The following CDH3 variants were observed in gnomAD, a reference collection of about 807,000 sequenced individuals.
CDH3 encodes the protein cadherin-3.
A neutral mutation model predicts 82.0 loss-of-function variants in CDH3; 54 were observed. The ratio of observed to expected loss-of-function variants is 0.66; its 90% CI spans 0.53 to 0.83. CDH3 has a LOEUF of 0.83. Ranked by LOEUF, CDH3 falls within the 40% of genes least tolerant of loss-of-function variation. The probability of loss-of-function intolerance (pLI) is 0.00; values close to 1 mark genes in which losing one functional copy is unlikely to be tolerated. For missense variants in CDH3, 1,054 were observed against 1,084.6 expected, an observed-to-expected ratio of 0.97 and a Z score of 0.40; for synonymous variants, 446 against 437.9, an observed-to-expected ratio of 1.02 and a Z score of -0.23.
Position 68,700,274 on chromosome 16 carries a change from T to C in CDH3, c.*1874T>C, listed in dbSNP as rs1303830083. ...GCTGAGGAAATTGCTGATGTTGAAA[T>C]AAACATTTCCTTCCATGAGGATGAC... On this transcript the variant is annotated 3_prime_UTR_variant, in exon 16 of 16. Coordinates refer to ENST00000264012, the MANE Select transcript of CDH3 (RefSeq NM_001793.6). The C allele has an allele frequency of 1.3e-5, 2 of 152,234 alleles. No individual in the cohort carries two copies. Among genetic ancestry groups the C allele is most frequent in the Admixed American group, 1.3e-4 (2 of 15,278 alleles). The allele number at this position is 152,234 out of a possible 1,614,324, so 9.4% of individuals were successfully genotyped here.
Position 68,707,430 on chromosome 16 carries a change from CT to C in CDH3, c.99+11508del, listed in dbSNP as rs1410090769. 6.6e-6 allele frequency among the ~76,000 whole-genome samples: 1 copy of C among 152,234 alleles called. No homozygotes were observed. Among genetic ancestry groups the C allele is most frequent in the Admixed American group, 6.5e-5 (1 of 15,286 alleles). On this transcript the variant is annotated intron_variant, in intron 1 of 2. Transcript: ENST00000569080. The surrounding 1 kb of genome is among the most constrained non-coding windows in gnomAD (Gnocchi z 4.5). ...CTGGCAGAACCTGGTTCCTCCTCTG[CT>C]GTATCCTCAGTCCCTGAGGATGCGG...
chr16:68,701,544 ATTTTT>A (rs71382058), downstream of CDH3, among the ~76,000 whole-genome samples: 5 of 128,248 alleles, frequency 3.9e-5, no homozygotes, highest in Non-Finnish European at 5.0e-5. Flanking sequence ...ATTACACACA[ATTTTT>A]TTTTTTTTTT....
In CDH3 at chr16:68,678,263, C is replaced by G; in HGVS notation, c.376C>G (p.Gln126Glu). The G allele has an allele frequency of 1.9e-6, 3 of 1,614,150 alleles. No homozygotes were observed. The highest frequency in any genetic ancestry group is 2.5e-6 in the Non-Finnish European group (3 of 1,180,014). Residue 126 changes from glutamine to glutamate, a missense_variant, in exon 4 of 16, where the codon CAG becomes GAG. By Grantham distance (29) the Gln-to-Glu change is conservative. Coordinates refer to ENST00000264012, the MANE Select transcript of CDH3 (RefSeq NM_001793.6). ...TGAAAATGGCAAGGGTCCCTTCCCC[C>G]AGAGACTGAATCAGGTACGACTGTG... ...VPENGKGPFP[Q>E]RLNQLKSNKD... is the part of the protein sequence containing the mutation.
In CDH3 at chr16:68,695,622, C is replaced by T. The variant is rs2296404; in HGVS notation, c.2134-155C>T. Among the ~76,000 whole-genome samples, 84,634 of 152,094 alleles carry T rather than the reference C, an allele frequency of 0.56. 23,888 individuals are homozygous for T. The highest frequency in any genetic ancestry group is 0.62 in the Middle Eastern group (181 of 294). ...TTGCTAGGACAAGGGAGGATGGAAA[C>T]GAGGGTTTTCCAAAATCTGTGACAT... On this transcript the variant is annotated intron_variant, in intron 14 of 15. Transcript: ENST00000264012.
Position 68,723,143 on chromosome 16 carries a change from G to A in CDH3, c.*45+527G>A, listed in dbSNP as rs536173898. On this transcript the variant is annotated intron_variant, in intron 2 of 2. Transcript: ENST00000569080. ...AAATTATAAAGTATAATAATATAGC[G>A]AATAATTATGAACTCACCACTCAGC... Among the ~76,000 whole-genome samples the A allele has an allele frequency of 1.1e-4, 16 of 151,218 alleles. No homozygotes were observed. The East Asian group carries it at 2.1e-3, about 20-fold the overall frequency.
Position 68,679,994 on chromosome 16 carries a change from A to G in CDH3, c.867+20A>G, listed in dbSNP as rs201066210. On this transcript the variant is annotated intron_variant, in intron 7 of 15. Transcript: ENST00000264012. Reference sequence around the variant, plus strand: ...CGGGAAGTGAGTGGCCCTTAGGGAAAGTACTGCCTACCCAGACTTGCCCAG... The same window carrying G: ...CGGGAAGTGAGTGGCCCTTAGGGAAGGTACTGCCTACCCAGACTTGCCCAG... 2 of 1,612,118 alleles carry G rather than the reference A, an allele frequency of 1.2e-6. No individual in the cohort carries two copies. The highest frequency in any genetic ancestry group is 1.7e-6 in the Non-Finnish European group (2 of 1,178,212).
chr16:68,685,768 C>T lies in CDH3; in HGVS notation c.1570+418C>T, dbSNP rs575613219. Reference sequence around the variant, plus strand: ...GCTACAGTGAGCCAAGATCGTGCCACTGCACTCCACCCTGGGTGACAGAGC... The same window carrying T: ...GCTACAGTGAGCCAAGATCGTGCCATTGCACTCCACCCTGGGTGACAGAGC... On this transcript the variant is annotated intron_variant, in intron 11 of 15. Transcript: ENST00000264012. Among the ~76,000 whole-genome samples, 6 of 152,354 alleles carry T rather than the reference C, an allele frequency of 3.9e-5. No individual in the cohort carries two copies. The South Asian group carries it at 1.0e-3, about 26-fold the overall frequency.
At chr16:68,698,066 T>G (rs1348330794) in intron 15 of CDH3, 125 bp from the exon 16 acceptor site, 2 of 876,084 alleles carry the variant, frequency 2.3e-6, no homozygotes, top group Non-Finnish European at 3.8e-6. Flanking sequence ...TAACGCATTC[T>G]TTCATTTCTA....
At chr16:68,716,291 G>A (rs1432252721) in intron 1 of CDH3, among the ~76,000 whole-genome samples, 1 of 151,572 alleles carries the variant, frequency 6.6e-6, no homozygotes, top group Non-Finnish European at 1.5e-5. Flanking sequence ...TAAATTGTAG[G>A]CATTCAAATC....
chr16:68,667,914 A>T (rs1167578320), intron 2 of CDH3, among the ~76,000 whole-genome samples: 1 of 152,014 alleles, frequency 6.6e-6, no homozygotes, highest in Non-Finnish European at 1.5e-5. Flanking sequence ...ATTTATTTTT[A>T]CCTATAATGT....
chr16:68,732,261 GT>G (rs2152112633), downstream of CDH3, among the ~76,000 whole-genome samples: 1 of 152,236 alleles, frequency 6.6e-6, no homozygotes, highest in South Asian at 2.1e-4. Context: ...AGCAATTCCA[GT>G]TTCTCTGGGG....
Position 68,716,053 on chromosome 16 carries a change from GA to G in CDH3, c.100-6369del, listed in dbSNP as rs1232453891. Among the ~76,000 whole-genome samples the G allele has an allele frequency of 2.0e-5, 3 of 152,136 alleles. No homozygotes were observed. The East Asian group carries it at 5.8e-4, about 29-fold the overall frequency. On this transcript the variant is annotated intron_variant, in intron 1 of 2. Transcript: ENST00000569080. ...GGAGGCTGAGGCGGGTGGATCACCT[GA>G]AATCAGGAATTCGAGACCTGCTTGA...
At chr16:68,712,228 G>A (rs1228117772) in intron 1 of CDH3, among the ~76,000 whole-genome samples, 1 of 151,218 alleles carries the variant, frequency 6.6e-6, no homozygotes, top group Non-Finnish European at 1.5e-5. Flanking sequence ...ATAGAGATGG[G>A]GTTTCTCCAT....
In CDH3 at chr16:68,691,890, A is replaced by G; in HGVS notation, c.1966A>G (p.Ile656Val). The change falls in exon 13 of 16, where the codon ATC (isoleucine) becomes GTC (valine). Residue 656 changes from isoleucine (I) to valine (V), a missense_variant. Physicochemically the swap from Ile to Val is conservative, Grantham distance 29 (BLOSUM62 3). Coordinates refer to ENST00000264012, the MANE Select transcript of CDH3 (RefSeq NM_001793.6). ...TCPGPWKGGFILPVLGAVLAL... is the reference protein window; with the variant it reads ...TCPGPWKGGFVLPVLGAVLAL... ...CCCTGGACCCTGGAAGGGAGGTTTCATCCTCCCTGTGCTGGGGGCTGTCCT... is the reference window on the plus strand; with the variant it reads ...CCCTGGACCCTGGAAGGGAGGTTTCGTCCTCCCTGTGCTGGGGGCTGTCCT... The G allele has an allele frequency of 6.2e-7, 1 of 1,613,904 alleles. No individual in the cohort carries two copies. The highest frequency in any genetic ancestry group is 1.1e-5 in the South Asian group (1 of 91,064).
chr16:68,677,123 A>C (rs991581246), intron 3 of CDH3, among the ~76,000 whole-genome samples: 2 of 152,152 alleles, frequency 1.3e-5, no homozygotes, highest in Admixed American at 1.3e-4. Context: ...GTATATATAC[A>C]TATATAAAAA....
intron 14 of CDH3, 38 bp from the exon 15 acceptor site, chr16:68,695,739 G>A: frequency 6.2e-7 from 1 of 1,612,126 alleles, no homozygotes; most frequent in Non-Finnish European, 8.5e-7. Flanking sequence ...TGGGGGACAG[G>A]AGTCCTCAGT....
chr16:68,708,154 C>A (rs1046761244), intron 1 of CDH3, among the ~76,000 whole-genome samples: 2 of 151,988 alleles, frequency 1.3e-5, no homozygotes, highest in Non-Finnish European at 2.9e-5. Context: ...AAGGTGAAAA[C>A]CCATGTCTAC....
intron 2 of CDH3, among the ~76,000 whole-genome samples, chr16:68,725,340 CT>C (rs200997628): frequency 1.7e-4 from 25 of 147,002 alleles, no homozygotes; most frequent in South Asian, 4.3e-4. Flanking sequence ...TCACCCAATT[CT>C]TTTTTTTTTT....
downstream of CDH3, among the ~76,000 whole-genome samples, chr16:68,731,513 T>TACAC (rs1445529936): frequency 2.9e-5 from 1 of 35,076 alleles, no homozygotes; most frequent in African/African-American, 8.5e-5. Flanking sequence ...CACACACACA[T>TACAC]ATACACACAC....
Sources: allele counts gnomAD v4.1 joint callset (sites outside exome capture counted in the v4.1 genomes callset), GRCh38; gene constraint gnomAD v4.1.1; non-coding constraint Gnocchi (gnomAD v3.1); transcripts MANE v1.5; gene names NCBI Gene and HGNC (gene_info 2026-07-23, HGNC 2026-07-21).